The following STPG2 variants were observed in gnomAD, a reference collection of about 807,000 sequenced individuals.
STPG2 encodes sperm-tail PG-rich repeat-containing protein 2.
In STPG2, 56 loss-of-function variants were observed where a neutral mutation model predicts 54.2. The observed-to-expected ratio is 1.03, with a 90% CI of 0.83 to 1.29. The LOEUF (loss-of-function observed/expected upper bound fraction) is 1.29. Among genes scored for constraint, STPG2 ranks in the 50% most tolerant of loss-of-function variants. The pLI is 0.00. For synonymous variants in STPG2, 200 were observed against 181.8 expected (o/e 1.10, Z -0.81); for missense variants, 596 against 544.9 (o/e 1.09, Z -0.93).
chr4:97,870,352 TTAAAA>T lies in STPG2; in HGVS notation c.1045-29425_1045-29421del, dbSNP rs533139019. On this transcript the variant is annotated intron_variant, in intron 8 of 10. Coordinates refer to ENST00000295268, the MANE Select transcript of STPG2 (RefSeq NM_174952.3). ...AATGTGAATAAACTTAACTCACTTG[TTAAAA>T]TAAAATAATTTTCATATAGGTAACA... 2.2e-4 allele frequency among the ~76,000 whole-genome samples: 33 copies of T among 151,594 alleles called. No individual in the cohort carries two copies. The East Asian group carries it at 5.8e-3, about 27-fold the overall frequency.
downstream of STPG2, among the ~76,000 whole-genome samples, chr4:97,554,174 T>A (rs1218840234): frequency 1.3e-5 from 2 of 152,154 alleles, no homozygotes; most frequent in African/African-American, 4.8e-5. Flanking sequence ...CAGAGCAACT[T>A]CTTCCTCCTC....
intron 4 of STPG2, among the ~76,000 whole-genome samples, chr4:97,487,192 A>G (rs1028118915): frequency 6.6e-6 from 1 of 150,556 alleles, no homozygotes; most frequent in African/African-American, 2.4e-5. Flanking sequence ...TACCCCAATA[A>G]CCTATGGAAA....
chr4:97,924,957 A>C (rs1732280248), intron 8 of STPG2, among the ~76,000 whole-genome samples: 1 of 152,226 alleles, frequency 6.6e-6, no homozygotes, highest in Non-Finnish European at 1.5e-5. Flanking sequence ...TATTTCTCAG[A>C]GATTATGTAG....
intron 5 of STPG2, among the ~76,000 whole-genome samples, chr4:98,039,504 A>T (rs539320222): frequency 4.5e-5 from 6 of 134,786 alleles, no homozygotes; most frequent in Non-Finnish European, 9.8e-5. Flanking sequence ...ATATATATAT[A>T]CCATATTTCT....
chr4:98,082,137 T>G (rs1254379202), intron 5 of STPG2, among the ~76,000 whole-genome samples: 1 of 152,120 alleles, frequency 6.6e-6, no homozygotes, highest in African/African-American at 2.4e-5. Flanking sequence ...TGCAACTATG[T>G]TCTACTCTAG....
At chr4:97,735,545 A>C (rs13152843) in intron 9 of STPG2, among the ~76,000 whole-genome samples, 2,621 of 149,476 alleles carry the variant, frequency 0.018, 71 homozygotes, top group African/African-American at 0.061. Context: ...GATTGGGTGA[A>C]AATATTTATA....
At chr4:98,056,772 C>G (rs1279738840) in intron 5 of STPG2, among the ~76,000 whole-genome samples, 1 of 152,102 alleles carries the variant, frequency 6.6e-6, no homozygotes, top group Admixed American at 6.5e-5. Flanking sequence ...AGACTTCCCC[C>G]TTGCTGTTCT....
chr4:97,805,598 C>G (rs933355108), intron 9 of STPG2, among the ~76,000 whole-genome samples: 2 of 152,124 alleles, frequency 1.3e-5, no homozygotes, highest in Non-Finnish European at 2.9e-5. Context: ...GTCCTTTCCC[C>G]ACTTAAGAAT....
chr4:98,069,157 T>C (rs1317182329), intron 5 of STPG2, among the ~76,000 whole-genome samples: 1 of 152,096 alleles, frequency 6.6e-6, no homozygotes, highest in Non-Finnish European at 1.5e-5. Context: ...TATAAATATA[T>C]TGATCATAAG....
intron 5 of STPG2, among the ~76,000 whole-genome samples, chr4:98,067,604 A>T (rs1737873400): frequency 6.6e-6 from 1 of 152,200 alleles, no homozygotes; most frequent in East Asian, 1.9e-4. Flanking sequence ...TGCAATATCA[A>T]TATGAAAAAT....
chr4:97,765,722 G>T (rs1726024717), intron 9 of STPG2, among the ~76,000 whole-genome samples: 1 of 152,100 alleles, frequency 6.6e-6, no homozygotes, highest in South Asian at 2.1e-4. Context: ...ACTGACTAAT[G>T]CATACAAACA....
At chr4:97,901,030 T>C (rs1210094128) in intron 8 of STPG2, among the ~76,000 whole-genome samples, 1 of 151,958 alleles carries the variant, frequency 6.6e-6, no homozygotes, top group Admixed American at 6.6e-5. Flanking sequence ...CAAATCCACA[T>C]TGCAAGTTCA....
intron 8 of STPG2, among the ~76,000 whole-genome samples, chr4:97,877,613 A>G (rs955542791): frequency 3.3e-5 from 5 of 152,132 alleles, no homozygotes; most frequent in Non-Finnish European, 5.9e-5. Context: ...ATTCACTACC[A>G]TGAGAACAGT....
At chr4:97,927,661 T>C (rs1732386437) in intron 8 of STPG2, among the ~76,000 whole-genome samples, 1 of 152,080 alleles carries the variant, frequency 6.6e-6, no homozygotes, top group Non-Finnish European at 1.5e-5. Flanking sequence ...CAACCCTAAT[T>C]TTTCAAGCCA....
chr4:97,967,357 T>A (rs1560614248), intron 7 of STPG2, among the ~76,000 whole-genome samples: 1 of 152,012 alleles, frequency 6.6e-6, no homozygotes, highest in Non-Finnish European at 1.5e-5. Context: ...GCACCCAGAT[T>A]CATAAAGCAA....
chr4:98,105,088 C>G (rs1452892262), intron 5 of STPG2, among the ~76,000 whole-genome samples: 1 of 152,202 alleles, frequency 6.6e-6, no homozygotes, highest in Non-Finnish European at 1.5e-5. Context: ...AAATGCCAAG[C>G]TATAACCAAT....
chr4:97,904,627 TAGA>T (rs1277793882), intron 8 of STPG2, among the ~76,000 whole-genome samples: 1 of 152,134 alleles, frequency 6.6e-6, no homozygotes, highest in Non-Finnish European at 1.5e-5. Flanking sequence ...GACGAGCTGA[TAGA>T]AGAAGGATTC....
chr4:98,106,616 A>C (rs1463424760), intron 4 of STPG2, among the ~76,000 whole-genome samples: 5 of 152,150 alleles, frequency 3.3e-5, no homozygotes, highest in African/African-American at 2.4e-5. Flanking sequence ...ATTGCTACCT[A>C]CTGCTACCTA....
At chr4:97,885,517 C>A (rs1322908803) in intron 8 of STPG2, among the ~76,000 whole-genome samples, 1 of 152,050 alleles carries the variant, frequency 6.6e-6, no homozygotes, top group Non-Finnish European at 1.5e-5. Flanking sequence ...ACATTAAATC[C>A]AGGATACCTA....
Sources: gnomAD v4.1 joint callset for allele counts (sites outside exome capture counted in the v4.1 genomes callset) on GRCh38, gnomAD v4.1.1 for gene constraint, MANE v1.5 for transcripts, NCBI Gene and HGNC (gene_info 2026-07-23, HGNC 2026-07-21) for gene names.